THSD4: variants seen among roughly 807,000 people sequenced by gnomAD.
THSD4 encodes the protein thrombospondin type-1 domain-containing protein 4.
In THSD4, 69 loss-of-function variants were observed where a neutral mutation model predicts 119.0. The observed-to-expected ratio is 0.58, with a 90% CI of 0.48 to 0.71. The LOEUF is 0.71. Ranked by LOEUF, THSD4 falls within the 30% of genes least tolerant of loss-of-function variation. The pLI is 0.00. For synonymous variants in THSD4, 524 were observed against 540.4 expected, an observed-to-expected ratio of 0.97 and a Z score of 0.42; for missense variants, 1,393 against 1,391.1, an observed-to-expected ratio of 1.00 and a Z score of -0.02.
intron 7 of THSD4, among the ~76,000 whole-genome samples, chr15:71,650,294 A>C (rs1244619515): frequency 6.6e-6 from 1 of 152,284 alleles, no homozygotes; most frequent in Admixed American, 6.5e-5. Flanking sequence ...TTTACAAAAG[A>C]AGCTTGCTGA....
At chr15:71,519,073 G>A (rs1028763347) in intron 7 of THSD4, among the ~76,000 whole-genome samples, 2 of 152,150 alleles carry the variant, frequency 1.3e-5, no homozygotes, top group African/African-American at 2.4e-5. Flanking sequence ...GCTTTATGTT[G>A]GGAGCTCTCA....
At chr15:71,337,985 A>G (rs1231407355) in intron 6 of THSD4, among the ~76,000 whole-genome samples, 1 of 152,194 alleles carries the variant, frequency 6.6e-6, no homozygotes, top group Non-Finnish European at 1.5e-5. Context: ...GATTAACTGG[A>G]AAAATGTATG....
At chr15:71,252,337 T>G (rs910661681) in intron 5 of THSD4, among the ~76,000 whole-genome samples, 1 of 152,264 alleles carries the variant, frequency 6.6e-6, no homozygotes, top group African/African-American at 2.4e-5. Context: ...CCTGGAAGTT[T>G]TCACTTCAGA....
intron 14 of THSD4, among the ~76,000 whole-genome samples, chr15:71,750,615 G>A (rs1293970224): frequency 6.6e-6 from 1 of 152,168 alleles, no homozygotes; most frequent in African/African-American, 2.4e-5. Flanking sequence ...TTAGGCCCAC[G>A]ATGGCCCCAG....
chr15:71,365,171 G>GTGTGTGTGTGTGT, intron 6 of THSD4, among the ~76,000 whole-genome samples: 1 of 150,790 alleles, frequency 6.6e-6, no homozygotes, highest in Admixed American at 6.6e-5. Flanking sequence ...GTGTGTATGA[G>GTGTGTGTGTGTGT]AGAGAGAAAG....
intron 6 of THSD4, among the ~76,000 whole-genome samples, chr15:71,397,785 G>A (rs912908514): frequency 3.3e-5 from 5 of 152,212 alleles, no homozygotes. Context: ...ACCTCTCTGA[G>A]CCAAAGGTTT....
At chr15:71,260,755 ACTCT>A (rs1486921696) in intron 6 of THSD4, among the ~76,000 whole-genome samples, 6 of 151,476 alleles carry the variant, frequency 4.0e-5, no homozygotes, top group Non-Finnish European at 5.9e-5. Context: ...ACTGGGAGGG[ACTCT>A]CTCACCTGGT....
At chr15:71,656,729 A>G (rs60290227) in intron 7 of THSD4, among the ~76,000 whole-genome samples, 16,542 of 152,258 alleles carry the variant, frequency 0.11, 958 homozygotes, top group East Asian at 0.2. Context: ...TTTAAATCCA[A>G]GCTCTATCTA....
At chr15:71,485,033 C>T (rs574988453) in intron 7 of THSD4, among the ~76,000 whole-genome samples, 23 of 152,244 alleles carry the variant, frequency 1.5e-4, no homozygotes, top group Middle Eastern at 3.4e-3. Flanking sequence ...GTTGTTTCTC[C>T]GCCCTTTCCC....
intron 8 of THSD4, among the ~76,000 whole-genome samples, chr15:71,673,788 G>A (rs576761881): frequency 2.2e-4 from 33 of 152,096 alleles, no homozygotes; most frequent in Admixed American, 6.5e-4. Context: ...AGAGAGTCTC[G>A]CTCTGTCGCC....
intron 4 of THSD4, among the ~76,000 whole-genome samples, chr15:71,231,056 C>A (rs1367560056): frequency 3.3e-5 from 5 of 152,200 alleles, no homozygotes; most frequent in African/African-American, 1.2e-4. Flanking sequence ...CCGTATTCCA[C>A]TCCTCCGGGC....
intron 6 of THSD4, among the ~76,000 whole-genome samples, chr15:71,405,101 A>C (rs7169495): frequency 0.73 from 110,686 of 151,950 alleles, 40,957 homozygotes; most frequent in East Asian, 0.83. Context: ...GTTGGCTAGG[A>C]TGGTCTCAAA....
At chr15:71,709,383 T>C (rs1344035582) in intron 8 of THSD4, among the ~76,000 whole-genome samples, 1 of 152,098 alleles carries the variant, frequency 6.6e-6, no homozygotes, top group African/African-American at 2.4e-5. Context: ...GTTTTTATCA[T>C]GTAGGTGGGG....
chr15:71,410,572 G>A (rs2046673132), intron 6 of THSD4, among the ~76,000 whole-genome samples: 1 of 152,074 alleles, frequency 6.6e-6, no homozygotes, highest in African/African-American at 2.4e-5. Context: ...AGGTAGGCGA[G>A]GTTCCGCTCT....
chr15:71,371,485 ATC>A (rs2046047168), intron 6 of THSD4, among the ~76,000 whole-genome samples: 1 of 151,750 alleles, frequency 6.6e-6, no homozygotes, highest in African/African-American at 2.4e-5. Flanking sequence ...TGGTGACAAA[ATC>A]TCTCAGCATT....
intron 1 of THSD4, among the ~76,000 whole-genome samples, chr15:71,121,363 C>CT (rs111555492): frequency 0.01 from 1,478 of 144,696 alleles, 23 homozygotes; most frequent in African/African-American, 0.031. Flanking sequence ...TTAGCTATCA[C>CT]TTTTTTTTTT....
At chr15:71,280,375 A>G (rs2044637604) in intron 6 of THSD4, among the ~76,000 whole-genome samples, 1 of 152,216 alleles carries the variant, frequency 6.6e-6, no homozygotes. Context: ...TAGTATGATC[A>G]GAGCTGAGCT....
At chr15:71,129,475 A>AG (rs1398669790) in intron 1 of THSD4, among the ~76,000 whole-genome samples, 9 of 152,328 alleles carry the variant, frequency 5.9e-5, no homozygotes, top group African/African-American at 2.2e-4. Context: ...TTCAAGAAAA[A>AG]GGGGGATAGT....
At chr15:71,300,750 T>C (rs994638967) in intron 6 of THSD4, among the ~76,000 whole-genome samples, 4 of 152,234 alleles carry the variant, frequency 2.6e-5, no homozygotes, top group Admixed American at 2.0e-4. Flanking sequence ...GAGAACACTA[T>C]ATGAGAACTC....
Sources: gnomAD v4.1 joint callset for allele counts (sites outside exome capture counted in the v4.1 genomes callset) on GRCh38, gnomAD v4.1.1 for gene constraint, MANE v1.5 for transcripts, NCBI Gene and HGNC (gene_info 2026-07-23, HGNC 2026-07-21) for gene names.